TRRAP: variants seen among roughly 807,000 people sequenced by gnomAD.
TRRAP encodes transformation/transcription domain associated protein, also known as transformation/transcription domain-associated protein.
In TRRAP, 41 loss-of-function variants were observed where a neutral mutation model predicts 438.8. The ratio of observed to expected loss-of-function variants is 0.09; its 90% CI spans 0.07 to 0.12. TRRAP has a LOEUF of 0.12. TRRAP is among the 10% of genes least tolerant of loss of function. TRRAP has a pLI of 1.00. For missense variants in TRRAP, 3,122 were observed against 5,055.1 expected, an observed-to-expected ratio of 0.62 and a Z score of 11.60; for synonymous variants, 1,994 against 1,962.9, an observed-to-expected ratio of 1.02 and a Z score of -0.42.
At chr7:99,003,235 A>T (rs1794014658) in intron 67 of TRRAP, among the ~76,000 whole-genome samples, 1 of 152,220 alleles carries the variant, frequency 6.6e-6, no homozygotes, top group African/African-American at 2.4e-5. Context: ...CTACAGAAAG[A>T]CATTTTAATA....
At chr7:99,008,900 C>G (rs219840) in intron 70 of TRRAP, among the ~76,000 whole-genome samples, 22,753 of 152,214 alleles carry the variant, frequency 0.15, 5,360 homozygotes, top group African/African-American at 0.5. Flanking sequence ...CACACCTGAT[C>G]TGAGGTGATG....
intron 14 of TRRAP, 32 bp from the exon 15 acceptor site, chr7:98,910,024 T>G (rs782204080): frequency 6.5e-6 from 10 of 1,529,886 alleles, no homozygotes; most frequent in Middle Eastern, 1.8e-4. Flanking sequence ...AGAATAATTC[T>G]GTCTTCCCTC....
chr7:98,995,810 C>G (rs191153781), intron 67 of TRRAP, among the ~76,000 whole-genome samples: 2 of 151,048 alleles, frequency 1.3e-5, no homozygotes, highest in Non-Finnish European at 3.0e-5. Flanking sequence ...TCTACACACC[C>G]GCGTCCCATC....
chr7:98,989,067 A>G lies in TRRAP; in HGVS notation c.9591+101A>G, dbSNP rs540477417. The G allele has an allele frequency of 4.8e-4, 564 of 1,184,120 alleles. 2 individuals carry two copies. Among genetic ancestry groups the G allele is most frequent in the South Asian group, 1.3e-3 (95 of 71,044 alleles). The allele number at this position is 1,184,120 out of a possible 1,614,324, so 73.4% of individuals were successfully genotyped here. A position where few individuals can be genotyped will look rare whatever the true frequency, so the allele number is the denominator to read the frequency against. On this transcript the variant is annotated intron_variant, in intron 63 of 72. Coordinates refer to ENST00000456197, the MANE Select transcript of TRRAP (RefSeq NM_001375524.1). ...TACTCATCCGTGCCGGGTGTGAGGCATGATTTCATGCCTTAACTCTTAATC... is the reference window on the plus strand; with the variant it reads ...TACTCATCCGTGCCGGGTGTGAGGCGTGATTTCATGCCTTAACTCTTAATC...
Position 98,956,566 on chromosome 7 carries a change from C to T in TRRAP, c.6231+33C>T, listed in dbSNP as rs1791626128. On this transcript the variant is annotated intron_variant, in intron 43 of 72. Coordinates refer to ENST00000456197, the MANE Select transcript of TRRAP (RefSeq NM_001375524.1). The surrounding 1 kb of genome is among the most constrained non-coding windows in gnomAD (Gnocchi z 4.5). Reference sequence around the variant, plus strand: ...CATGTGCCTCTGTATGGGTGCTGCGCATTCTGCTGGGAGTTGGTTCGTTTA... The same window carrying T: ...CATGTGCCTCTGTATGGGTGCTGCGTATTCTGCTGGGAGTTGGTTCGTTTA... 6 of 1,597,588 alleles carry T rather than the reference C, an allele frequency of 3.8e-6. No individual in the cohort carries two copies. The highest frequency in any genetic ancestry group is 5.1e-6 in the Non-Finnish European group (6 of 1,173,910).
At position 98,948,199 on chromosome 7, in the gene TRRAP, A is replaced by T; in HGVS notation, c.4549-22A>T. 1 of 1,613,708 alleles carries T rather than the reference A, an allele frequency of 6.2e-7. No homozygotes were observed. On this transcript the variant is annotated intron_variant, in intron 33 of 72. Transcript: ENST00000456197. The surrounding 1 kb of genome is among the most constrained non-coding windows in gnomAD (Gnocchi z 4.9). ...TTGCAAAATTAATCGACCTGTTTATAATTTCTGGTTTTCTTGATCAGGAAA... is the reference window on the plus strand; with the variant it reads ...TTGCAAAATTAATCGACCTGTTTATTATTTCTGGTTTTCTTGATCAGGAAA...
In TRRAP at chr7:98,981,946, A is replaced by G; in HGVS notation, c.8812A>G (p.Thr2938Ala). The change falls in exon 59 of 73, where the codon ACG becomes GCG. Residue 2938 changes from threonine to alanine, a missense_variant. Transcript: ENST00000456197. ...RLPHVVSHVH[T>A]PLLQAAQQII... ...GCCCCACGTAGTGTCCCACGTGCAC[A>G]CGCCTCTCCTACAGGTGCGTGCGGT... 2 of 1,598,880 alleles carry G rather than the reference A, an allele frequency of 1.3e-6. No individual in the cohort carries two copies. The highest frequency in any genetic ancestry group is 1.7e-6 in the Non-Finnish European group (2 of 1,174,022).
intron 64 of TRRAP, among the ~76,000 whole-genome samples, chr7:98,991,330 G>T (rs1211326991): frequency 1.3e-5 from 2 of 152,216 alleles, no homozygotes; most frequent in Non-Finnish European, 2.9e-5. Context: ...TCAGGAAGGA[G>T]CTGGGCCCGC....
intron 33 of TRRAP, among the ~76,000 whole-genome samples, chr7:98,947,238 G>A (rs1277205578): frequency 6.6e-6 from 1 of 152,246 alleles, no homozygotes; most frequent in African/African-American, 2.4e-5. Flanking sequence ...CCACCCCTGA[G>A]CTGTGAGACA....
At chr7:98,975,284 T>C (rs546445410) in intron 53 of TRRAP, among the ~76,000 whole-genome samples, 1 of 152,334 alleles carries the variant, frequency 6.6e-6, no homozygotes, top group Admixed American at 6.5e-5. Flanking sequence ...CCCCCTTGGG[T>C]TTGCTGCAGG....
intron 21 of TRRAP, 37 bp downstream of exon 21, chr7:98,921,990 T>C (rs1206826791): frequency 6.2e-7 from 1 of 1,613,078 alleles, no homozygotes; most frequent in African/African-American, 1.3e-5. Flanking sequence ...TTTTAAGCCT[T>C]GTGAAGATAC....
In TRRAP at chr7:98,893,333, G is replaced by A. The variant is rs140955969; in HGVS notation, c.367-465G>A. On this transcript the variant is annotated intron_variant, in intron 5 of 72. Transcript: ENST00000456197. ...GCTTGGATTCTGTCTTGGCTGGGGC[G>A]CTTTGTTGCTGTGTCATGTCAGCCA... Among the ~76,000 whole-genome samples the A allele has an allele frequency of 6.0e-3, 910 of 152,268 alleles. 29 individuals carry two copies. Among genetic ancestry groups the A allele is most frequent in the Admixed American group, 0.042 (649 of 15,286 alleles).
chr7:98,924,588 C>T (rs1410440341), intron 21 of TRRAP, among the ~76,000 whole-genome samples: 6 of 148,324 alleles, frequency 4.0e-5, no homozygotes, highest in Non-Finnish European at 7.4e-5. Context: ...ACTCGGGAGG[C>T]TGAGGCAGGA....
intron 30 of TRRAP, 84 bp downstream of exon 30, chr7:98,937,904 G>A (rs1329299203): frequency 7.1e-7 from 1 of 1,418,352 alleles, no homozygotes; most frequent in African/African-American, 1.4e-5. Context: ...GCTGGGCACA[G>A]TGGTTCACGC....
intron 67 of TRRAP, chr7:98,998,763 CT>C: frequency 4.5e-6 from 1 of 223,676 alleles, no homozygotes. Context: ...CTAGCCACTC[CT>C]TTCTTTCCAT....
intron 69 of TRRAP, among the ~76,000 whole-genome samples, chr7:99,006,934 A>G (rs1794190891): frequency 6.6e-6 from 1 of 152,240 alleles, no homozygotes; most frequent in South Asian, 2.1e-4. Context: ...GTCACTGGGG[A>G]GACAGGCTCT....
At chr7:98,943,286 T>C (rs565365505) in intron 31 of TRRAP, among the ~76,000 whole-genome samples, 5 of 152,348 alleles carry the variant, frequency 3.3e-5, no homozygotes, top group African/African-American at 9.6e-5. Flanking sequence ...GGGGCTTGAA[T>C]GTTAGTATTT....
chr7:98,933,444 G>A (rs782252938), intron 27 of TRRAP, 42 bp downstream of exon 27: 34 of 1,585,068 alleles, frequency 2.1e-5, no homozygotes, highest in Middle Eastern at 1.7e-4. Flanking sequence ...TGGTGATGAC[G>A]TGTGTCTGCT....
chr7:98,935,774 T>G, intron 28 of TRRAP, 99 bp downstream of exon 28: 1 of 907,098 alleles, frequency 1.1e-6, no homozygotes. Flanking sequence ...GTCTAATTTT[T>G]ATGACTTTTT....
Sources: allele counts gnomAD v4.1 joint callset (sites outside exome capture counted in the v4.1 genomes callset), GRCh38; gene constraint gnomAD v4.1.1; non-coding constraint Gnocchi (gnomAD v3.1); transcripts MANE v1.5; gene names NCBI Gene and HGNC (gene_info 2026-07-23, HGNC 2026-07-21).